ATL1: variants seen among roughly 807,000 people sequenced by gnomAD.
The protein encoded by ATL1 is atlastin GTPase 1.
ATL1 carries 31 observed loss-of-function variants against 75.5 expected under a neutral mutation model. That is an observed-to-expected ratio of 0.41 (90% CI 0.31 to 0.55). The LOEUF (loss-of-function observed/expected upper bound fraction) is 0.55, where lower values mean the gene tolerates loss of function less well. ATL1 is among the 20% of genes least tolerant of loss of function. The pLI is 0.27. For synonymous variants in ATL1, 226 were observed against 233.3 expected (o/e 0.97, Z 0.28); for missense variants, 405 against 662.6 (o/e 0.61, Z 4.27).
At chr14:50,553,637 A>G (rs2038730535) in intron 1 of ATL1, among the ~76,000 whole-genome samples, 1 of 152,218 alleles carries the variant, frequency 6.6e-6, no homozygotes, top group South Asian at 2.1e-4. Flanking sequence ...TTATGTGAAA[A>G]AGATGAATGC....
intron 1 of ATL1, among the ~76,000 whole-genome samples, chr14:50,538,953 G>A (rs185095651): frequency 1.1e-4 from 16 of 152,276 alleles, no homozygotes; most frequent in African/African-American, 3.9e-4. Context: ...CCAAGTAGCT[G>A]GGACTATGGG....
In ATL1 at chr14:50,619,596, A is replaced by G. The variant is rs531741852; in HGVS notation, c.863-1003A>G. Reference sequence around the variant, plus strand: ...GATCTGTTTTCTATATTACTTTGCTAAGTCTGTAATGTTAAGCTTTAACCT... The same window carrying G: ...GATCTGTTTTCTATATTACTTTGCTGAGTCTGTAATGTTAAGCTTTAACCT... On this transcript the variant is annotated intron_variant, in intron 8 of 13. Transcript: ENST00000358385. Among the ~76,000 whole-genome samples the G allele has an allele frequency of 5.3e-5, 8 of 152,328 alleles. No individual in the cohort carries two copies. In the South Asian group the frequency reaches 1.7e-3, roughly 32 times the overall value.
chr14:50,580,450 C>T (rs769669274), intron 1 of ATL1, among the ~76,000 whole-genome samples: 1 of 151,878 alleles, frequency 6.6e-6, no homozygotes, highest in Non-Finnish European at 1.5e-5. Context: ...ATTTTCATAC[C>T]TACTTTTATG....
At chr14:50,551,948 G>C (rs2038707560) in intron 1 of ATL1, among the ~76,000 whole-genome samples, 1 of 152,062 alleles carries the variant, frequency 6.6e-6, no homozygotes. Flanking sequence ...CAGAGAACTA[G>C]AACAAGACAA....
At chr14:50,551,474 G>A (rs2038701979) in intron 1 of ATL1, among the ~76,000 whole-genome samples, 1 of 152,026 alleles carries the variant, frequency 6.6e-6, no homozygotes, top group Admixed American at 6.6e-5. Flanking sequence ...CAATTCTACT[G>A]AAACTATTTC....
intron 1 of ATL1, among the ~76,000 whole-genome samples, chr14:50,562,018 C>A (rs2038851366): frequency 1.3e-5 from 2 of 152,032 alleles, no homozygotes; most frequent in South Asian, 4.2e-4. Context: ...AGCTTTGGAT[C>A]ATTATTGCGC....
At chr14:50,567,189 A>T in intron 1 of ATL1, among the ~76,000 whole-genome samples, 1 of 150,460 alleles carries the variant, frequency 6.6e-6, no homozygotes, top group Non-Finnish European at 1.5e-5. Flanking sequence ...GACTTTGACT[A>T]CTCTGTGTAC....
intron 6 of ATL1, among the ~76,000 whole-genome samples, chr14:50,609,603 C>T (rs985680461): frequency 2.6e-5 from 4 of 151,900 alleles, no homozygotes; most frequent in South Asian, 2.1e-4. Flanking sequence ...AGTGGAAACT[C>T]TATAGTCCTG....
In ATL1 at chr14:50,632,623, G is replaced by C. The variant is rs2039593881; in HGVS notation, c.*284G>C. 1 of 230,654 alleles carries C rather than the reference G, an allele frequency of 4.3e-6. No individual in the cohort carries two copies. The allele number at this position is 230,654 out of a possible 1,614,324, so 14.3% of individuals were successfully genotyped here. A position where few individuals can be genotyped will look rare whatever the true frequency, so the allele number is the denominator to read the frequency against. ...TGATAACAGTACACGTGTTCTGCTT[G>C]AATTTACTAAATTCTACTACTGGGT... is the stretch of plus-strand genomic sequence containing the variant. On this transcript the variant is annotated 3_prime_UTR_variant, in exon 14 of 14. Coordinates refer to ENST00000358385, the MANE Select transcript of ATL1 (RefSeq NM_015915.5).
intron 1 of ATL1, among the ~76,000 whole-genome samples, chr14:50,579,565 TTTGGGTTATAATCAATCTA>T (rs1252698129): frequency 3.9e-5 from 6 of 152,204 alleles, no homozygotes; most frequent in African/African-American, 1.4e-4. Context: ...GAAAATTTGA[TTTGGGTTATAATCAATCTA>T]TTGATCAATG....
At chr14:50,571,939 T>C in intron 1 of ATL1, 1 of 344,692 alleles carries the variant, frequency 2.9e-6, no homozygotes. Flanking sequence ...TCTAACATGA[T>C]GGTACTATTT....
At chr14:50,596,062 C>T (rs1258306786) in intron 6 of ATL1, among the ~76,000 whole-genome samples, 1 of 152,008 alleles carries the variant, frequency 6.6e-6, no homozygotes, top group African/African-American at 2.4e-5. Flanking sequence ...ATAGATCAGG[C>T]ACATACTAAG....
At chr14:50,628,780 G>T (rs1308613523) in intron 12 of ATL1, among the ~76,000 whole-genome samples, 1 of 152,136 alleles carries the variant, frequency 6.6e-6, no homozygotes, top group Non-Finnish European at 1.5e-5. Flanking sequence ...GCAGTGGCGT[G>T]ATCTCAGCTC....
intron 1 of ATL1, among the ~76,000 whole-genome samples, chr14:50,535,572 A>T (rs911354213): frequency 7.0e-6 from 1 of 143,626 alleles, no homozygotes; most frequent in South Asian, 2.4e-4. Context: ...TTAAATAATT[A>T]TTATTAAACT....
At chr14:50,612,861 T>C (rs1351394814) in intron 6 of ATL1, among the ~76,000 whole-genome samples, 2 of 152,304 alleles carry the variant, frequency 1.3e-5, no homozygotes, top group East Asian at 3.9e-4. Flanking sequence ...TAAAACAATT[T>C]CTTTATAAAA....
intron 6 of ATL1, among the ~76,000 whole-genome samples, chr14:50,604,095 A>C (rs1595609027): frequency 2.5e-5 from 1 of 40,534 alleles, no homozygotes; most frequent in Non-Finnish European, 6.8e-5. Context: ...ACAGTTCTAT[A>C]AAAAAACTAA....
At chr14:50,568,741 GTCTCTCATT>G (rs1428243249) in intron 1 of ATL1, among the ~76,000 whole-genome samples, 1 of 151,834 alleles carries the variant, frequency 6.6e-6, no homozygotes, top group Non-Finnish European at 1.5e-5. Flanking sequence ...TAGCTTTTTT[GTCTCTCATT>G]TCCTGCATTA....
rs372066395 is a variant in ATL1 at position 50,597,220 on chromosome 14, CA to C, written c.630+1601del. Among the ~76,000 whole-genome samples the C allele has an allele frequency of 4.7e-4, 51 of 108,354 alleles. 1 individual carries two copies. The highest frequency in any genetic ancestry group is 2.5e-3 in the East Asian group (10 of 3,954). 71.1% of individuals were successfully genotyped at this position (108,354 alleles called of 152,430 possible). A position where few individuals can be genotyped will look rare whatever the true frequency, so the allele number is the denominator to read the frequency against. On this transcript the variant is annotated intron_variant, in intron 6 of 13. Coordinates refer to ENST00000358385, the MANE Select transcript of ATL1 (RefSeq NM_015915.5). The stretch of plus-strand genomic sequence containing the variant: ...CAAGACTCTGTCTCAAAAAAACAAA[CA>C]AAAAAAAAAAAAGAAAAAAGAAAAA...
At chr14:50,540,309 A>G (rs1470958370) in intron 1 of ATL1, among the ~76,000 whole-genome samples, 1 of 152,262 alleles carries the variant, frequency 6.6e-6, no homozygotes, top group African/African-American at 2.4e-5. Context: ...TGACATATGT[A>G]GGTGGAAAAA....
Sources: gnomAD v4.1 joint callset for allele counts (sites outside exome capture counted in the v4.1 genomes callset) on GRCh38, gnomAD v4.1.1 for gene constraint, MANE v1.5 for transcripts, NCBI Gene and HGNC (gene_info 2026-07-23, HGNC 2026-07-21) for gene names.